The following C17orf67 variants were observed in gnomAD, a reference collection of about 807,000 sequenced individuals.
C17orf67 encodes the protein chromosome 17 open reading frame 67, also known as uncharacterized protein C17orf67.
A neutral mutation model predicts 11.2 loss-of-function variants in C17orf67; 12 were observed. The ratio of observed to expected loss-of-function variants is 1.07; its 90% CI spans 0.68 to 1.73. The LOEUF (loss-of-function observed/expected upper bound fraction) is 1.73, where lower values mean the gene tolerates loss of function less well. C17orf67 is among the 40% of genes most tolerant of loss of function. The pLI is 0.00. For synonymous variants in C17orf67, 59 were observed against 46.9 expected (o/e 1.26, Z -1.05); for missense variants, 115 against 113.5 (o/e 1.01, Z -0.06).
At chr17:56,810,048 A>T (rs1187290417) in intron 6 of C17orf67, among the ~76,000 whole-genome samples, 1 of 93,604 alleles carries the variant, frequency 1.1e-5, no homozygotes, top group Non-Finnish European at 2.2e-5. Flanking sequence ...CCTCACACAC[A>T]CCCCTCACAC....
At chr17:56,796,423 A>G (rs1905214893) in intron 6 of C17orf67, among the ~76,000 whole-genome samples, 1 of 152,218 alleles carries the variant, frequency 6.6e-6, no homozygotes, top group Non-Finnish European at 1.5e-5. Flanking sequence ...ACATTATGCT[A>G]AGTGACAGAA....
chr17:56,804,554 T>C (rs1905400966), intron 6 of C17orf67, among the ~76,000 whole-genome samples: 1 of 152,112 alleles, frequency 6.6e-6, no homozygotes, highest in African/African-American at 2.4e-5. Flanking sequence ...AACAAAAGGG[T>C]AATGGAGTTA....
intron 2 of C17orf67, among the ~76,000 whole-genome samples, chr17:56,832,596 A>C (rs1231151883): frequency 1.3e-5 from 2 of 152,146 alleles, no homozygotes; most frequent in African/African-American, 4.8e-5. Context: ...GCCATCTAAC[A>C]GGCACTGTCG....
chr17:56,813,573 A>T (rs1200553071), intron 6 of C17orf67, among the ~76,000 whole-genome samples: 1 of 151,866 alleles, frequency 6.6e-6, no homozygotes, highest in Non-Finnish European at 1.5e-5. Context: ...ACAAAAAAAA[A>T]AAAATTAAAA....
At position 56,827,324 on chromosome 17, in the gene C17orf67, T is replaced by A. The variant is rs531797174; in HGVS notation, c.-556-2003A>T. 2.0e-5 allele frequency among the ~76,000 whole-genome samples: 3 copies of A among 152,370 alleles called. No individual in the cohort carries two copies. In the East Asian group the frequency reaches 5.8e-4, roughly 29 times the overall value. ...AAATTAACCAATCCAGGATGCCCAC[T>A]GCTGATTGAGTACAGGCAGAATGGT... On this transcript the variant is annotated intron_variant, in intron 2 of 7. Transcript: ENST00000397861.
In C17orf67 at chr17:56,816,118, T is replaced by C. The variant is rs558927741; in HGVS notation, c.-200-108A>G. The C allele has an allele frequency of 3.0e-5, 8 of 271,102 alleles. No homozygotes were observed. In the East Asian group the frequency reaches 3.5e-4, roughly 12 times the overall value. 16.8% of individuals were successfully genotyped at this position (271,102 alleles called of 1,614,324 possible). On this transcript the variant is annotated intron_variant, in intron 4 of 7. Coordinates refer to ENST00000397861, the MANE Select transcript of C17orf67 (RefSeq NM_001085430.4). ...AACAGACAGATAAGCACCAGACAGA[T>C]GTTTGTGAGTGTTTCTCTGGAGCTT...
chr17:56,833,534 C>T (rs1407988912), intron 1 of C17orf67, 84 bp downstream of exon 1: 1 of 150,172 alleles, frequency 6.7e-6, no homozygotes, highest in African/African-American at 2.4e-5. Flanking sequence ...GCGGCTGCCC[C>T]GCTCGCCCTC....
At chr17:56,800,166 C>T (rs1029666183) in intron 6 of C17orf67, among the ~76,000 whole-genome samples, 4 of 147,530 alleles carry the variant, frequency 2.7e-5, no homozygotes, top group Admixed American at 6.8e-5. Flanking sequence ...CCCGGGTTCA[C>T]GCCATTCTCC....
intron 2 of C17orf67, among the ~76,000 whole-genome samples, chr17:56,829,599 C>T (rs545205892): frequency 6.6e-6 from 1 of 152,322 alleles, no homozygotes; most frequent in Admixed American, 6.5e-5. Context: ...CATGTTGACT[C>T]CATCCGAGGG....
intron 2 of C17orf67, among the ~76,000 whole-genome samples, chr17:56,825,572 G>A (rs1906005672): frequency 6.6e-6 from 1 of 151,970 alleles, no homozygotes; most frequent in Admixed American, 6.6e-5. Flanking sequence ...CTAAATCTGA[G>A]AATCTAAGGA....
At chr17:56,827,869 T>C (rs547650819) in intron 2 of C17orf67, among the ~76,000 whole-genome samples, 1 of 152,292 alleles carries the variant, frequency 6.6e-6, no homozygotes, top group Admixed American at 6.5e-5. Context: ...TTAACACACC[T>C]CAGACTGTGG....
intron 6 of C17orf67, among the ~76,000 whole-genome samples, chr17:56,795,446 T>C (rs1905194791): frequency 6.6e-6 from 1 of 152,226 alleles, no homozygotes; most frequent in African/African-American, 2.4e-5. Context: ...AGAAAACATC[T>C]GATTGCCTGC....
chr17:56,795,997 A>T (rs1389149546), intron 6 of C17orf67, among the ~76,000 whole-genome samples: 1 of 152,242 alleles, frequency 6.6e-6, no homozygotes. Flanking sequence ...TTCTGATAAA[A>T]TCATCTTTTT....
intron 6 of C17orf67, chr17:56,803,718 T>C (rs1223477282): frequency 6.6e-6 from 1 of 152,228 alleles, no homozygotes; most frequent in Admixed American, 6.5e-5. Context: ...CTAGGCCAAA[T>C]GTACATTAAA....
At chr17:56,819,562 C>G (rs902802161) in intron 4 of C17orf67, among the ~76,000 whole-genome samples, 4 of 152,088 alleles carry the variant, frequency 2.6e-5, no homozygotes, top group African/African-American at 9.7e-5. Context: ...GTATCACACC[C>G]TGGGAGGCTG....
chr17:56,811,522 G>C (rs1253239065), intron 6 of C17orf67, among the ~76,000 whole-genome samples: 1 of 151,424 alleles, frequency 6.6e-6, no homozygotes, highest in Non-Finnish European at 1.5e-5. Flanking sequence ...AGATAACCTC[G>C]TTAGTGAGCC....
At chr17:56,792,741 G>A (rs796326281) in intron 7 of C17orf67, among the ~76,000 whole-genome samples, 1,593 of 5,186 alleles carry the variant, frequency 0.31, 9 homozygotes, top group Middle Eastern at 0.5. Context: ...GGTGGTGGTG[G>A]TGGTGGTGGT....
chr17:56,802,444 G>A (rs1009693125), intron 6 of C17orf67, among the ~76,000 whole-genome samples: 5 of 152,192 alleles, frequency 3.3e-5, no homozygotes, highest in African/African-American at 4.8e-5. Context: ...ACAGCTCCTA[G>A]GAGGCTGTCC....
chr17:56,795,787 T>C (rs1905201066), intron 6 of C17orf67, among the ~76,000 whole-genome samples: 1 of 152,242 alleles, frequency 6.6e-6, no homozygotes, highest in Admixed American at 6.5e-5. Context: ...CAATAAATTA[T>C]GTTAGGGTTA....
Sources: allele counts gnomAD v4.1 joint callset (sites outside exome capture counted in the v4.1 genomes callset), GRCh38; gene constraint gnomAD v4.1.1; transcripts MANE v1.5; gene names NCBI Gene and HGNC (gene_info 2026-07-23, HGNC 2026-07-21).